The following FGF18 variants were observed in gnomAD, a reference collection of about 807,000 sequenced individuals.
FGF18 encodes fibroblast growth factor 18.
In FGF18, 5 loss-of-function variants were observed where a neutral mutation model predicts 23.0. That is an observed-to-expected ratio of 0.22 (90% confidence interval 0.11 to 0.46). FGF18 has a LOEUF of 0.46. Among genes scored for constraint, FGF18 ranks in the 20% least tolerant of loss-of-function variants. The probability of loss-of-function intolerance (pLI) is 0.99; values close to 1 mark genes in which losing one functional copy is unlikely to be tolerated. For synonymous variants in FGF18, 117 were observed against 118.9 expected, an observed-to-expected ratio of 0.98 and a Z score of 0.10; for missense variants, 180 against 291.6, an observed-to-expected ratio of 0.62 and a Z score of 2.79.
intron 3 of FGF18, among the ~76,000 whole-genome samples, chr5:171,445,393 C>CT (rs1314729914): frequency 4.6e-5 from 7 of 152,198 alleles, no homozygotes; most frequent in African/African-American, 1.4e-4. Context: ...GAGTCTCACT[C>CT]TTTCGCCCAG....
intron 4 of FGF18, among the ~76,000 whole-genome samples, chr5:171,452,958 G>A (rs538168408): frequency 5.9e-5 from 9 of 152,282 alleles, no homozygotes; most frequent in East Asian, 3.9e-4. Context: ...TCAGGATTCC[G>A]TCTTCAGATC....
chr5:171,421,209 C>A (rs1175651161), intron 2 of FGF18, among the ~76,000 whole-genome samples: 1 of 151,888 alleles, frequency 6.6e-6, no homozygotes, highest in Non-Finnish European at 1.5e-5. Context: ...TTGGAACGCT[C>A]TGGCTTCCAA....
At chr5:171,430,810 A>AG (rs1772171183) in intron 2 of FGF18, among the ~76,000 whole-genome samples, 1 of 110,276 alleles carries the variant, frequency 9.1e-6, no homozygotes, top group Non-Finnish European at 2.2e-5. Context: ...AAAAAAAAAA[A>AG]AAAAAAGAAA....
intron 4 of FGF18, among the ~76,000 whole-genome samples, chr5:171,453,688 T>C (rs1184592495): frequency 6.6e-6 from 1 of 152,136 alleles, no homozygotes; most frequent in Non-Finnish European, 1.5e-5. Context: ...AATGCAGTAA[T>C]GGAAGTAGCA....
intron 3 of FGF18, among the ~76,000 whole-genome samples, chr5:171,442,735 C>CT (rs1269187768): frequency 6.6e-6 from 1 of 152,246 alleles, no homozygotes; most frequent in Non-Finnish European, 1.5e-5. Flanking sequence ...GGCTGCCTCT[C>CT]TGAGTCTTTC....
At chr5:171,437,480 G>A (rs72829771) in intron 3 of FGF18, among the ~76,000 whole-genome samples, 32 of 152,152 alleles carry the variant, frequency 2.1e-4, no homozygotes, top group Non-Finnish European at 2.9e-4. Context: ...ACTCTTTACC[G>A]CCTCCGTTCC....
At chr5:171,430,794 C>CAAAAAA (rs566577499) in intron 2 of FGF18, among the ~76,000 whole-genome samples, 100 of 53,782 alleles carry the variant, frequency 1.9e-3, no homozygotes, top group East Asian at 3.5e-3. Flanking sequence ...GACTCCGTCT[C>CAAAAAA]AAAAAAAAAA....
chr5:171,452,312 C>T (rs1402182498), intron 4 of FGF18, among the ~76,000 whole-genome samples: 1 of 152,222 alleles, frequency 6.6e-6, no homozygotes, highest in East Asian at 1.9e-4. Context: ...GGTCTCAGCT[C>T]CAGTGCCAAC....
At chr5:171,432,189 C>T (rs1181514962) in intron 2 of FGF18, among the ~76,000 whole-genome samples, 1 of 152,138 alleles carries the variant, frequency 6.6e-6, no homozygotes, top group South Asian at 2.1e-4. Context: ...AAGATAGGCC[C>T]CCCTTGCAGG....
intron 3 of FGF18, among the ~76,000 whole-genome samples, chr5:171,448,367 C>T (rs1023684003): frequency 1.3e-5 from 2 of 152,178 alleles, no homozygotes; most frequent in African/African-American, 4.8e-5. Flanking sequence ...AGGGAGCTCG[C>T]ACCTCACTCC....
chr5:171,445,298 A>C (rs965590750), intron 3 of FGF18, among the ~76,000 whole-genome samples: 1 of 152,092 alleles, frequency 6.6e-6, no homozygotes, highest in African/African-American at 2.4e-5. Flanking sequence ...ATGTTCTTCT[A>C]TGTGGGTTGG....
chr5:171,455,087 G>A (rs1434166292), intron 4 of FGF18, among the ~76,000 whole-genome samples: 1 of 152,232 alleles, frequency 6.6e-6, no homozygotes, highest in African/African-American at 2.4e-5. Context: ...TTAGGTAGGT[G>A]AGGAATTTGA....
At chr5:171,427,278 G>C (rs1296331347) in intron 2 of FGF18, among the ~76,000 whole-genome samples, 3 of 152,068 alleles carry the variant, frequency 2.0e-5, no homozygotes, top group African/African-American at 4.8e-5. Context: ...ATTGCACACA[G>C]AGTAGCTAGC....
At chr5:171,429,853 C>G (rs1772150435) in intron 2 of FGF18, among the ~76,000 whole-genome samples, 1 of 152,228 alleles carries the variant, frequency 6.6e-6, no homozygotes, top group South Asian at 2.1e-4. Context: ...CTCCTTACCC[C>G]CAAACTATGG....
intron 2 of FGF18, among the ~76,000 whole-genome samples, chr5:171,421,243 G>A (rs1457849230): frequency 6.6e-6 from 1 of 152,218 alleles, no homozygotes; most frequent in Non-Finnish European, 1.5e-5. Context: ...AAGGAAAAAG[G>A]GTTGGGGGGA....
Position 171,420,148 on chromosome 5 carries a change from A to G in FGF18, c.-52A>G, listed in dbSNP as rs1261252076. The G allele has an allele frequency of 1.4e-6, 2 of 1,441,572 alleles. No individual in the cohort carries two copies. Among genetic ancestry groups the G allele is most frequent in the African/African-American group, 1.5e-5 (1 of 67,882 alleles). 89.3% of individuals were successfully genotyped at this position (1,441,572 alleles called of 1,614,324 possible). A position where few individuals can be genotyped will look rare whatever the true frequency, so the allele number is the denominator to read the frequency against. ...GAGGCGCCCGGTCCCGGCCGCGCGG[A>G]GCGGACATGTGCAGGCTGGGCTAGG... is the stretch of plus-strand genomic sequence containing the variant. On this transcript the variant is annotated 5_prime_UTR_variant, in exon 1 of 5. Transcript: ENST00000274625.
intron 4 of FGF18, among the ~76,000 whole-genome samples, chr5:171,454,789 C>T (rs368831457): frequency 1.7e-4 from 26 of 152,350 alleles, no homozygotes; most frequent in South Asian, 8.3e-4. Context: ...GGAGTGGGCC[C>T]GGCCTAAATT....
intron 3 of FGF18, among the ~76,000 whole-genome samples, chr5:171,441,397 C>T (rs1772341722): frequency 6.6e-6 from 1 of 152,204 alleles, no homozygotes; most frequent in Non-Finnish European, 1.5e-5. Context: ...GGCTCTGCCT[C>T]TGCTCCTTGC....
At chr5:171,452,383 T>C (rs1171709953) in intron 4 of FGF18, among the ~76,000 whole-genome samples, 1 of 152,160 alleles carries the variant, frequency 6.6e-6, no homozygotes, top group East Asian at 1.9e-4. Context: ...ACCCTGCACA[T>C]CTCTGGCCAC....
Sources: allele counts gnomAD v4.1 joint callset (sites outside exome capture counted in the v4.1 genomes callset), GRCh38; gene constraint gnomAD v4.1.1; transcripts MANE v1.5; gene names NCBI Gene and HGNC (gene_info 2026-07-23, HGNC 2026-07-21).